The following DNM1L variants were observed in gnomAD, a reference collection of about 807,000 sequenced individuals.
DNM1L encodes the protein dynamin 1L.
DNM1L carries 33 observed loss-of-function variants against 92.8 expected under a neutral mutation model. The ratio of observed to expected loss-of-function variants is 0.36; its 90% confidence interval spans 0.27 to 0.48. The LOEUF is 0.48. Ranked by LOEUF, DNM1L falls within the 20% of genes least tolerant of loss-of-function variation. The pLI is 0.99. For synonymous variants in DNM1L, 284 were observed against 305.0 expected, an observed-to-expected ratio of 0.93 and a Z score of 0.72; for missense variants, 485 against 888.8, an observed-to-expected ratio of 0.55 and a Z score of 5.78.
At chr12:32,688,364 G>GT (rs1254644425) in intron 1 of DNM1L, among the ~76,000 whole-genome samples, 4 of 152,296 alleles carry the variant, frequency 2.6e-5, no homozygotes, top group African/African-American at 9.6e-5. Flanking sequence ...TGATGGGGAG[G>GT]TTTTTTCTTT....
At chr12:32,682,329 T>G (rs1478018992) in intron 1 of DNM1L, among the ~76,000 whole-genome samples, 1 of 152,078 alleles carries the variant, frequency 6.6e-6, no homozygotes, top group Non-Finnish European at 1.5e-5. Context: ...ACAGAGTTTC[T>G]CCATGTTGGT....
chr12:32,729,413 C>T (rs1185541870), intron 9 of DNM1L, among the ~76,000 whole-genome samples: 6 of 152,106 alleles, frequency 3.9e-5, no homozygotes, highest in Middle Eastern at 3.4e-3. Context: ...TTACTCATTC[C>T]CCTCTCCTCC....
At chr12:32,737,534 C>T (rs1174632763) in intron 14 of DNM1L, 4 of 388,596 alleles carry the variant, frequency 1.0e-5, no homozygotes, top group Non-Finnish European at 1.9e-5. Context: ...GTTTTAATTA[C>T]TAGTAATAAT....
chr12:32,699,198 A>G (rs1292540677), intron 1 of DNM1L, among the ~76,000 whole-genome samples: 1 of 152,196 alleles, frequency 6.6e-6, no homozygotes, highest in Non-Finnish European at 1.5e-5. Context: ...AAGGAGAGAG[A>G]GACATAAAGT....
At chr12:32,680,933 T>A (rs1052952147) in intron 1 of DNM1L, among the ~76,000 whole-genome samples, 4 of 152,226 alleles carry the variant, frequency 2.6e-5, no homozygotes, top group African/African-American at 7.2e-5. Context: ...CACATACTTT[T>A]AAAAGAGAGT....
intron 2 of DNM1L, chr12:32,705,623 A>G (rs1043537239): frequency 2.2e-6 from 1 of 460,808 alleles, no homozygotes. Context: ...CTCTAATTCT[A>G]GTTGTATTTT....
At chr12:32,684,188 C>T (rs1423395638) in intron 1 of DNM1L, among the ~76,000 whole-genome samples, 2 of 152,188 alleles carry the variant, frequency 1.3e-5, no homozygotes, top group South Asian at 2.1e-4. Flanking sequence ...CAGTCACCCC[C>T]GTTTTGTCCT....
intron 9 of DNM1L, among the ~76,000 whole-genome samples, chr12:32,730,808 A>G (rs1250495457): frequency 3.9e-5 from 6 of 152,214 alleles, no homozygotes; most frequent in Non-Finnish European, 7.3e-5. Flanking sequence ...ATATAATTTA[A>G]TGATTCCTTT....
intron 18 of DNM1L, 67 bp from the exon 19 acceptor site, chr12:32,742,521 GC>G: frequency 3.1e-6 from 5 of 1,588,614 alleles, no homozygotes; most frequent in Non-Finnish European, 4.3e-6. Context: ...CATGAGGTTA[GC>G]ATCTAAGCCC....
chr12:32,737,258 C>G (rs1954952352), intron 14 of DNM1L, 97 bp downstream of exon 14: 2 of 1,319,612 alleles, frequency 1.5e-6, no homozygotes, highest in Admixed American at 3.8e-5. Context: ...TTCTTCTTTT[C>G]CTCCCTTTAA....
intron 19 of DNM1L, 140 bp downstream of exon 19, chr12:32,742,888 C>CTTTTT (rs36039451): frequency 1.1e-3 from 285 of 248,650 alleles, no homozygotes; most frequent in African/African-American, 4.0e-3. Flanking sequence ...TGATAAGAAT[C>CTTTTT]TTTTTTTTTT....
chr12:32,742,493 TCTTA>T, intron 18 of DNM1L, 92 bp from the exon 19 acceptor site: 1 of 1,448,998 alleles, frequency 6.9e-7, no homozygotes. Context: ...GTAGTAGTGT[TCTTA>T]CTTAACTTTA....
chr12:32,725,074 T>G (rs568751507), intron 9 of DNM1L, among the ~76,000 whole-genome samples: 1 of 145,842 alleles, frequency 6.9e-6, no homozygotes, highest in South Asian at 2.1e-4. Flanking sequence ...TCACTGAAGA[T>G]TTTCTTCTTC....
intron 9 of DNM1L, among the ~76,000 whole-genome samples, chr12:32,729,927 G>C (rs903826520): frequency 1.3e-5 from 2 of 152,328 alleles, no homozygotes; most frequent in Admixed American, 1.3e-4. Context: ...TGTAAAAATA[G>C]AGAGGAAGGG....
In DNM1L at chr12:32,744,072, T is replaced by G. The variant is rs1165879886; in HGVS notation, c.*662T>G. 3 of 152,398 alleles carry G rather than the reference T, an allele frequency of 2.0e-5. No individual in the cohort carries two copies. The highest frequency in any genetic ancestry group is 2.9e-5 in the Non-Finnish European group (2 of 68,174). 9.4% of individuals were successfully genotyped at this position (152,398 alleles called of 1,614,324 possible). A position where few individuals can be genotyped will look rare whatever the true frequency, so the allele number is the denominator to read the frequency against. ...TTGCACTAGCAAATTAAAATATGCTTTGATTCATACTTAAACCTGAAAGCA... is the reference window on the plus strand; with the variant it reads ...TTGCACTAGCAAATTAAAATATGCTGTGATTCATACTTAAACCTGAAAGCA... On this transcript the variant is annotated 3_prime_UTR_variant, in exon 20 of 20. Transcript: ENST00000549701.
intron 14 of DNM1L, chr12:32,737,505 CAG>C (rs1954974909): frequency 7.9e-6 from 3 of 382,068 alleles, no homozygotes; most frequent in East Asian, 5.7e-5. Context: ...TTGGAAAAAA[CAG>C]TATGCACAGA....
rs144761384 is a variant in DNM1L at position 32,731,807 on chromosome 12, A to AAAAAAAC, written c.1357-36_1357-30dup. On this transcript the variant is annotated intron_variant, in intron 11 of 19. Coordinates refer to ENST00000549701, the MANE Select transcript of DNM1L (RefSeq NM_012062.5). The surrounding 1 kb of genome is among the most constrained non-coding windows in gnomAD (Gnocchi z 5.1). ...TGGCTTAGTGAGACTATGACTTAAA[A>AAAAAAAC]AAAAAACAAAAAACAAACACGTTTT... is the stretch of plus-strand genomic sequence containing the variant. The AAAAAAAC allele has an allele frequency of 0.13, 194,457 of 1,517,912 alleles. 11,871 individuals carry two copies. The highest frequency in any genetic ancestry group is 0.2 in the African/African-American group (14,362 of 72,332). 94.0% of individuals were successfully genotyped at this position (1,517,912 alleles called of 1,614,324 possible).
In DNM1L at chr12:32,686,360, T is replaced by A. The variant is rs542507354; in HGVS notation, c.102+6895T>A. 4.5e-3 allele frequency among the ~76,000 whole-genome samples: 687 copies of A among 152,290 alleles called. 2 individuals are homozygous for A. The highest frequency in any genetic ancestry group is 7.5e-3 in the Non-Finnish European group (512 of 68,028). On this transcript the variant is annotated intron_variant, in intron 1 of 19. Coordinates refer to ENST00000549701, the MANE Select transcript of DNM1L (RefSeq NM_012062.5). ...CTGTGCCCAGCCAAAATTAGCCCTT[T>A]TATAAAATGTATAATTCAGTGTCAT...
At chr12:32,707,227 C>T in intron 2 of DNM1L, 140 bp from the exon 3 acceptor site, 1 of 604,434 alleles carries the variant, frequency 1.7e-6, no homozygotes, top group South Asian at 2.5e-5. Flanking sequence ...TTTAGCAGAC[C>T]TTAAAATACT....
Sources: gnomAD v4.1 joint callset for allele counts (sites outside exome capture counted in the v4.1 genomes callset) on GRCh38, gnomAD v4.1.1 for gene constraint, Gnocchi (gnomAD v3.1) non-coding constraint, MANE v1.5 for transcripts, NCBI Gene and HGNC (gene_info 2026-07-23, HGNC 2026-07-21) for gene names.